TCTN3: variants seen among roughly 807,000 people sequenced by gnomAD.
TCTN3 encodes tectonic-3.
A neutral mutation model predicts 71.3 loss-of-function variants in TCTN3; 57 were observed. The observed-to-expected ratio is 0.80, with a 90% CI of 0.65 to 1.00. The LOEUF is 1.00. Among genes scored for constraint, TCTN3 ranks in the 50% least tolerant of loss-of-function variants. The pLI is 0.00. For missense variants in TCTN3, 696 were observed against 719.9 expected (o/e 0.97, Z 0.38); for synonymous variants, 258 against 267.8 (o/e 0.96, Z 0.36).
intron 2 of TCTN3, 66 bp downstream of exon 2, chr10:95,693,287 C>T: frequency 1.3e-6 from 2 of 1,543,674 alleles, no homozygotes; most frequent in Non-Finnish European, 1.7e-6. Flanking sequence ...ACTCTTCTTA[C>T]ATCCAAATGT....
intron 13 of TCTN3, among the ~76,000 whole-genome samples, chr10:95,672,685 CTTT>C (rs766029244): frequency 8.8e-4 from 71 of 80,408 alleles, no homozygotes; most frequent in African/African-American, 3.1e-3. Context: ...CTGTTCAAAT[CTTT>C]TTTTTTTTTT....
In TCTN3 at chr10:95,678,533, C is replaced by CA. The variant is rs71034346; in HGVS notation, c.1590+1938dup. 5.7e-4 allele frequency among the ~76,000 whole-genome samples: 59 copies of CA among 103,642 alleles called. 1 individual carries two copies. Among genetic ancestry groups the CA allele is most frequent in the East Asian group, 3.3e-3 (12 of 3,648 alleles). 68.0% of individuals were successfully genotyped at this position (103,642 alleles called of 152,430 possible). On this transcript the variant is annotated intron_variant, in intron 13 of 13. Coordinates refer to ENST00000371217, the MANE Select transcript of TCTN3 (RefSeq NM_015631.6). ...GGGAAACAAGAGTGAAACACTGTCTCAAAAAAAAAAAAAAAAAAAAATTTC... is the reference window on the plus strand; with the variant it reads ...GGGAAACAAGAGTGAAACACTGTCTCAAAAAAAAAAAAAAAAAAAAAATTTC...
intron 13 of TCTN3, among the ~76,000 whole-genome samples, chr10:95,677,473 AGTTTTTTTT>A (rs1566068481): frequency 1.7e-4 from 4 of 24,118 alleles, no homozygotes; most frequent in African/African-American, 4.0e-4. Flanking sequence ...TGAAGTCTAC[AGTTTTTTTT>A]GTTTTTTTTT....
chr10:95,664,117 G>A lies in TCTN3; in HGVS notation c.1774C>T (p.Leu592Phe). 8 of 1,614,162 alleles carry A rather than the reference G, an allele frequency of 5.0e-6. No homozygotes were observed. The South Asian group carries it at 8.8e-5, about 18-fold the overall frequency. Residue 592 changes from leucine to phenylalanine, a missense_variant, in exon 14 of 14, where the codon CTT becomes TTT. Coordinates refer to ENST00000371217, the MANE Select transcript of TCTN3 (RefSeq NM_015631.6). ...CCAAGTAGTAAGAGGCACAGGATAA[G>A]GATGGGAGAGACTGAGCATTTTTGA... ...FSQKCSVSPI[L>F]ILCLLLLGVL...
chr10:95,666,293 A>G (rs1378033955), intron 13 of TCTN3, among the ~76,000 whole-genome samples: 2 of 151,366 alleles, frequency 1.3e-5, no homozygotes, highest in African/African-American at 4.9e-5. Context: ...GGCATAGGAT[A>G]AATATAACTT....
chr10:95,693,374 AAGG>A lies in TCTN3; in HGVS notation c.356_358del (p.Ser119del). On this transcript the variant is annotated inframe_deletion, in exon 2 of 14. Coordinates refer to ENST00000371217, the MANE Select transcript of TCTN3 (RefSeq NM_015631.6). ...TCACCTTACGCTGCCTGGAAGGCAG[AAGG>A]AGAAAACTGTCCTCGGATGGAGAAG... 1 of 1,551,894 alleles carries A rather than the reference AAGG, an allele frequency of 6.4e-7. No homozygotes were observed. The highest frequency in any genetic ancestry group is 8.7e-7 in the Non-Finnish European group (1 of 1,147,020).
At chr10:95,682,890 G>A in intron 11 of TCTN3, 86 bp from the exon 12 acceptor site, 10 of 1,493,518 alleles carry the variant, frequency 6.7e-6, no homozygotes, top group Non-Finnish European at 9.0e-6. Flanking sequence ...CCAAACATTG[G>A]AAATAATATA....
intron 13 of TCTN3, among the ~76,000 whole-genome samples, chr10:95,670,124 C>T (rs567215038): frequency 4.0e-4 from 60 of 149,046 alleles, no homozygotes; most frequent in South Asian, 2.5e-3. Flanking sequence ...TTTTTCCTTC[C>T]CATCACATGG....
intron 13 of TCTN3, among the ~76,000 whole-genome samples, chr10:95,669,865 C>T (rs1014626135): frequency 6.6e-6 from 1 of 151,486 alleles, no homozygotes; most frequent in African/African-American, 2.4e-5. Context: ...AGATCGAGAC[C>T]ATCCTGGCTA....
chr10:95,693,479 A>G lies in TCTN3; in HGVS notation c.257-3T>C. The G allele has an allele frequency of 1.3e-6, 2 of 1,552,234 alleles. No homozygotes were observed. The highest frequency in any genetic ancestry group is 1.2e-5 in the South Asian group (1 of 84,064). ...GTCACAGACACAGATCGGTAAGACTATGAAAGTACGACACAGAGTGAGTGG... is the reference window on the plus strand; with the variant it reads ...GTCACAGACACAGATCGGTAAGACTGTGAAAGTACGACACAGAGTGAGTGG... On this transcript the variant is annotated splice_polypyrimidine_tract_variant and splice_region_variant and intron_variant, in intron 1 of 13. Transcript: ENST00000371217.
intron 3 of TCTN3, among the ~76,000 whole-genome samples, chr10:95,688,409 A>G (rs945047617): frequency 1.6e-5 from 2 of 123,294 alleles, no homozygotes; most frequent in East Asian, 2.4e-4. Context: ...AAAAAAAAAA[A>G]AAAAAAAAAG....
chr10:95,693,285 T>C, intron 2 of TCTN3, 68 bp downstream of exon 2: 4 of 1,542,550 alleles, frequency 2.6e-6, no homozygotes, highest in Non-Finnish European at 3.5e-6. Context: ...TAACTCTTCT[T>C]ACATCCAAAT....
In TCTN3 at chr10:95,693,741, C is replaced by A. The variant is rs540555381; in HGVS notation, c.159G>T (p.Ala53=). Reference sequence around the variant, plus strand: ...CAGGCACGGCCGGGCGAGTTGCAGTCGCCTCTGAAGGGGACTGGAGGGTTC... The same window carrying A: ...CAGGCACGGCCGGGCGAGTTGCAGTAGCCTCTGAAGGGGACTGGAGGGTTC... ...DGGTLQSPSE[A]TATRPAVPGL... is the part of the protein sequence containing the mutation. The change falls in exon 1 of 14, where the codon GCG becomes GCT. Residue 53 remains alanine (A), a synonymous_variant. Transcript: ENST00000371217. The A allele has an allele frequency of 6.4e-7, 1 of 1,551,628 alleles. No individual in the cohort carries two copies. The highest frequency in any genetic ancestry group is 8.7e-7 in the Non-Finnish European group (1 of 1,146,986).
chr10:95,667,431 C>T (rs1051326070), intron 13 of TCTN3, among the ~76,000 whole-genome samples: 5 of 152,150 alleles, frequency 3.3e-5, no homozygotes, highest in Admixed American at 3.3e-4. Context: ...TGAAAGTTTT[C>T]AGAGACTAGA....
chr10:95,683,161 C>T lies in TCTN3; in HGVS notation c.1238G>A (p.Cys413Tyr), dbSNP rs2139738439. 3 of 1,614,086 alleles carry T rather than the reference C, an allele frequency of 1.9e-6. No individual in the cohort carries two copies. The highest frequency in any genetic ancestry group is 2.5e-6 in the Non-Finnish European group (3 of 1,180,000). ...TLLQSQGNGSCSVKRHEVQFG... is the reference protein window; with the variant it reads ...TLLQSQGNGSYSVKRHEVQFG... ...CTGCACTTCATGTCTTTTAACAGAGCAACTTCCATTACCCTGGCTCTGTAA... is the reference window on the plus strand; with the variant it reads ...CTGCACTTCATGTCTTTTAACAGAGTAACTTCCATTACCCTGGCTCTGTAA... The change falls in exon 11 of 14, where the codon TGC (cysteine) becomes TAC (tyrosine). Residue 413 changes from cysteine (C) to tyrosine (Y), a missense_variant. By Grantham distance (194) the Cys-to-Tyr change is radical (BLOSUM62 -2). Transcript: ENST00000371217.
intron 13 of TCTN3, among the ~76,000 whole-genome samples, chr10:95,671,312 A>G (rs931615862): frequency 2.0e-5 from 3 of 152,206 alleles, no homozygotes; most frequent in African/African-American, 7.2e-5. Flanking sequence ...TACTTAAGAA[A>G]TTACCACCAG....
chr10:95,685,766 G>T, intron 7 of TCTN3, 130 bp from the exon 8 acceptor site: 1 of 656,032 alleles, frequency 1.5e-6, no homozygotes, highest in Non-Finnish European at 2.6e-6. Context: ...TTCTTCCAGT[G>T]CCAGCCAACA....
rs2097923712 is a variant in TCTN3 at position 95,663,839 on chromosome 10, T to C, written c.*228A>G. The C allele has an allele frequency of 2.2e-6, 1 of 458,180 alleles. No individual in the cohort carries two copies. The highest frequency in any genetic ancestry group is 4.0e-6 in the Non-Finnish European group (1 of 252,270). 28.4% of individuals were successfully genotyped at this position (458,180 alleles called of 1,614,324 possible). A position where few individuals can be genotyped will look rare whatever the true frequency, so the allele number is the denominator to read the frequency against. On this transcript the variant is annotated 3_prime_UTR_variant, in exon 14 of 14. Transcript: ENST00000371217. ...CCCAGCTTGAGAAGTAGGGGCCTCA[T>C]GTGTATCTGGTGGCCTGCAGAGCCC...
chr10:95,668,370 T>C (rs184369967), intron 13 of TCTN3, among the ~76,000 whole-genome samples: 1 of 151,496 alleles, frequency 6.6e-6, no homozygotes, highest in Non-Finnish European at 1.5e-5. Flanking sequence ...TTTGGTATAA[T>C]GAATGAAGAA....
Sources: allele counts gnomAD v4.1 joint callset (sites outside exome capture counted in the v4.1 genomes callset), GRCh38; gene constraint gnomAD v4.1.1; transcripts MANE v1.5; gene names NCBI Gene and HGNC (gene_info 2026-07-23, HGNC 2026-07-21).